The following OTUD7A variants were observed in gnomAD, a reference collection of about 807,000 sequenced individuals.
OTUD7A encodes the protein OTU domain-containing protein 7A.
OTUD7A carries 12 observed loss-of-function variants against 65.7 expected under a neutral mutation model. The ratio of observed to expected loss-of-function variants is 0.18; its 90% CI spans 0.12 to 0.30. The LOEUF (loss-of-function observed/expected upper bound fraction) is 0.30. Ranked by LOEUF, OTUD7A falls within the 10% of genes least tolerant of loss-of-function variation. The pLI is 1.00. For synonymous variants in OTUD7A, 641 were observed against 586.3 expected (o/e 1.09, Z -1.35); for missense variants, 1,148 against 1,304.8 (o/e 0.88, Z 1.85).
At chr15:31,861,605 T>G (rs1217478902) in intron 1 of OTUD7A, among the ~76,000 whole-genome samples, 1 of 152,098 alleles carries the variant, frequency 6.6e-6, no homozygotes, top group Non-Finnish European at 1.5e-5. Flanking sequence ...AGTGGGCACT[T>G]AAAACCACGT....
At chr15:31,791,016 C>T (rs1244443117) in intron 1 of OTUD7A, among the ~76,000 whole-genome samples, 2 of 152,100 alleles carry the variant, frequency 1.3e-5, no homozygotes, top group Non-Finnish European at 2.9e-5. Context: ...TAATGGTCAT[C>T]TTTTTTTGTT....
intron 3 of OTUD7A, among the ~76,000 whole-genome samples, chr15:31,618,689 A>G (rs1890674038): frequency 2.0e-5 from 3 of 152,052 alleles, no homozygotes; most frequent in Admixed American, 2.0e-4. Context: ...TTTGTCAGAT[A>G]AGTAAATTGC....
chr15:31,756,383 C>G (rs1171856370), intron 1 of OTUD7A, among the ~76,000 whole-genome samples: 1 of 152,152 alleles, frequency 6.6e-6, no homozygotes, highest in Non-Finnish European at 1.5e-5. Context: ...TTTGTTTCTC[C>G]TCTCAAGGTA....
intron 5 of OTUD7A, chr15:31,558,438 G>A (rs935670953): frequency 1.3e-5 from 2 of 154,658 alleles, no homozygotes; most frequent in Non-Finnish European, 2.9e-5. Flanking sequence ...CTGGAAGCTG[G>A]AAGAGGCTGC....
At chr15:31,772,193 A>G (rs1481586333) in intron 1 of OTUD7A, among the ~76,000 whole-genome samples, 2 of 147,222 alleles carry the variant, frequency 1.4e-5, no homozygotes, top group African/African-American at 5.0e-5. Context: ...CGGAGCTTGC[A>G]GTGAGCCGAG....
At chr15:31,580,551 GCTGT>G (rs1323944221) in intron 3 of OTUD7A, among the ~76,000 whole-genome samples, 3 of 152,156 alleles carry the variant, frequency 2.0e-5, no homozygotes, top group Admixed American at 6.5e-5. Context: ...CATACCAAAG[GCTGT>G]CTAATTTATA....
intron 1 of OTUD7A, among the ~76,000 whole-genome samples, chr15:31,864,309 C>T (rs1000150848): frequency 1.3e-5 from 2 of 152,172 alleles, no homozygotes; most frequent in African/African-American, 2.4e-5. Flanking sequence ...CAATGCCCCA[C>T]TCTACTGGTA....
intron 8 of OTUD7A, among the ~76,000 whole-genome samples, chr15:31,521,173 C>G (rs1373097888): frequency 1.3e-5 from 2 of 152,144 alleles, no homozygotes; most frequent in Non-Finnish European, 2.9e-5. Flanking sequence ...TTACAATGTT[C>G]ACTACTTGGG....
At chr15:31,523,800 C>G (rs2041971150) in intron 8 of OTUD7A, among the ~76,000 whole-genome samples, 1 of 152,246 alleles carries the variant, frequency 6.6e-6, no homozygotes. Context: ...AAGACACAGG[C>G]AAAAGGCAGA....
chr15:31,494,131 A>G (rs1000749149), intron 10 of OTUD7A, among the ~76,000 whole-genome samples: 1 of 152,244 alleles, frequency 6.6e-6, no homozygotes, highest in African/African-American at 2.4e-5. Flanking sequence ...TGGATTGGTC[A>G]TTGGTCTATA....
intron 3 of OTUD7A, among the ~76,000 whole-genome samples, chr15:31,588,217 C>A (rs1595632307): frequency 6.6e-6 from 1 of 152,134 alleles, no homozygotes; most frequent in Non-Finnish European, 1.5e-5. Context: ...TAATTCCATA[C>A]AACAATACAG....
At chr15:31,834,135 C>G (rs1337867891) in intron 1 of OTUD7A, among the ~76,000 whole-genome samples, 1 of 152,226 alleles carries the variant, frequency 6.6e-6, no homozygotes. Context: ...CTCAGGTGCC[C>G]TAAAACCAGC....
At chr15:31,530,675 T>A in intron 6 of OTUD7A, 32 bp downstream of exon 6, 1 of 1,593,336 alleles carries the variant, frequency 6.3e-7, no homozygotes, top group Non-Finnish European at 8.6e-7. Flanking sequence ...GCCTGGAGCC[T>A]GGCCACCCTC....
intron 3 of OTUD7A, among the ~76,000 whole-genome samples, chr15:31,646,225 G>C (rs1891659051): frequency 6.6e-6 from 1 of 152,034 alleles, no homozygotes; most frequent in African/African-American, 2.4e-5. Flanking sequence ...GGAATGGCAT[G>C]GAATTCCTGG....
At chr15:31,793,188 A>C in intron 1 of OTUD7A, among the ~76,000 whole-genome samples, 1 of 152,078 alleles carries the variant, frequency 6.6e-6, no homozygotes, top group East Asian at 1.9e-4. Flanking sequence ...AATGCGGCAG[A>C]ACTTGCTCTT....
At chr15:31,668,307 A>G (rs1001378083) in intron 1 of OTUD7A, among the ~76,000 whole-genome samples, 5 of 152,302 alleles carry the variant, frequency 3.3e-5, no homozygotes, top group Middle Eastern at 3.4e-3. Flanking sequence ...GTTGTTTAAC[A>G]TAGTCCCAGC....
chr15:31,617,619 C>T (rs143961954), intron 3 of OTUD7A, among the ~76,000 whole-genome samples: 74 of 152,170 alleles, frequency 4.9e-4, no homozygotes, highest in African/African-American at 1.7e-3. Context: ...AGCTTAAGCA[C>T]AGGAAAGACT....
chr15:31,797,635 C>T (rs1043175623), intron 1 of OTUD7A, among the ~76,000 whole-genome samples: 1 of 152,234 alleles, frequency 6.6e-6, no homozygotes, highest in African/African-American at 2.4e-5. Context: ...CTGCAAATCG[C>T]ATGCTTTGTA....
intron 1 of OTUD7A, among the ~76,000 whole-genome samples, chr15:31,755,060 C>CAT (rs1555414080): frequency 1.4e-5 from 2 of 146,292 alleles, no homozygotes. Flanking sequence ...CCTCTGTGTT[C>CAT]GTGTGTGTGT....
Sources: gnomAD v4.1 joint callset for allele counts (sites outside exome capture counted in the v4.1 genomes callset) on GRCh38, gnomAD v4.1.1 for gene constraint, MANE v1.5 for transcripts, NCBI Gene and HGNC (gene_info 2026-07-23, HGNC 2026-07-21) for gene names.